KNL1: variants seen among roughly 807,000 people sequenced by gnomAD.
The protein encoded by KNL1 is kinetochore scaffold 1, also known as outer kinetochore KNL1 complex subunit KNL1.
Under a neutral mutation model 201.3 loss-of-function variants are expected in KNL1, and 66 were observed. The ratio of observed to expected loss-of-function variants is 0.33; its 90% CI spans 0.27 to 0.40. The LOEUF (loss-of-function observed/expected upper bound fraction) is 0.40, where lower values mean the gene tolerates loss of function less well. KNL1 is among the 10% of genes least tolerant of loss of function. The probability of loss-of-function intolerance (pLI) is 1.00; values close to 1 mark genes in which losing one functional copy is unlikely to be tolerated. For missense variants in KNL1, 2,815 were observed against 2,690.5 expected (o/e 1.05, Z -1.02); for synonymous variants, 895 against 899.2 (o/e 1.00, Z 0.08).
At chr15:40,601,313 G>T (rs1396200568) in intron 1 of KNL1, among the ~76,000 whole-genome samples, 1 of 152,170 alleles carries the variant, frequency 6.6e-6, no homozygotes, top group East Asian at 1.9e-4. Flanking sequence ...TGGAAAAATA[G>T]TCTTCCCTAA....
At chr15:40,614,929 A>T (rs1892292110) in intron 7 of KNL1, among the ~76,000 whole-genome samples, 1 of 152,010 alleles carries the variant, frequency 6.6e-6, no homozygotes, top group South Asian at 2.1e-4. Context: ...ATGGGGTCTC[A>T]CTCTGTCACC....
intron 7 of KNL1, among the ~76,000 whole-genome samples, chr15:40,611,972 G>T (rs937558574): frequency 6.6e-6 from 1 of 152,066 alleles, no homozygotes; most frequent in Non-Finnish European, 1.5e-5. Context: ...CTGAGGTCAG[G>T]AGTTCGAGAC....
rs527614170 is a variant in KNL1 at position 40,660,580 on chromosome 15, G to A, written c.6836+1119G>A. On this transcript the variant is annotated intron_variant, in intron 25 of 25. Transcript: ENST00000399668. ...ACTGGGGAGGCTGAGGCAGAGAATT[G>A]CTTGAACCCAGGAGGTGGAGGTTGC... Among the ~76,000 whole-genome samples the A allele has an allele frequency of 2.0e-5, 3 of 147,444 alleles. No individual in the cohort carries two copies. In the East Asian group the frequency reaches 6.0e-4, roughly 29 times the overall value.
chr15:40,628,718 A>G (rs764543559), intron 12 of KNL1, 40 bp downstream of exon 12: 24 of 1,345,696 alleles, frequency 1.8e-5, no homozygotes, highest in Non-Finnish European at 2.3e-5. Flanking sequence ...TTTATAAAGA[A>G]AAGAGGTTTA....
chr15:40,650,522 T>A (rs779865509), intron 18 of KNL1, 22 bp from the exon 19 acceptor site: 1 of 1,551,584 alleles, frequency 6.4e-7, no homozygotes. Flanking sequence ...GTTCTGTTTT[T>A]TTTTTTTTTC....
intron 2 of KNL1, among the ~76,000 whole-genome samples, chr15:40,603,793 C>T (rs1595913933): frequency 1.3e-5 from 2 of 152,276 alleles, no homozygotes; most frequent in Non-Finnish European, 2.9e-5. Flanking sequence ...AGGCAGTATG[C>T]CCAGAGTAGC....
At chr15:40,616,906 A>G (rs1892361031) in intron 8 of KNL1, among the ~76,000 whole-genome samples, 1 of 152,208 alleles carries the variant, frequency 6.6e-6, no homozygotes, top group Non-Finnish European at 1.5e-5. Context: ...GCAGTTCACT[A>G]TATAAACTCT....
chr15:40,661,826 AG>A (rs1239986351), intron 25 of KNL1, among the ~76,000 whole-genome samples: 1 of 151,988 alleles, frequency 6.6e-6, no homozygotes, highest in East Asian at 1.9e-4. Context: ...GTGGATCACA[AG>A]GCCAGGAGAT....
rs1321437198 is a variant in KNL1 at position 40,620,900 on chromosome 15, A to G, written c.636A>G (p.Lys212=). ...SVDQNTSSEN[K]IDFNDFIKRL... ...ATCAAAACACTTCTTCAGAAAATAA[A>G]ATAGATTTCAATGACTTCATAAAAA... Residue 212 remains lysine, a synonymous_variant, in exon 10 of 26, where the codon AAA becomes AAG. Coordinates refer to ENST00000399668, the MANE Select transcript of KNL1 (RefSeq NM_144508.5). The G allele has an allele frequency of 6.3e-7, 1 of 1,598,844 alleles. No homozygotes were observed. The highest frequency in any genetic ancestry group is 8.5e-7 in the Non-Finnish European group (1 of 1,175,564).
intron 22 of KNL1, among the ~76,000 whole-genome samples, chr15:40,655,323 G>A (rs1346101088): frequency 1.3e-5 from 2 of 150,794 alleles, no homozygotes; most frequent in African/African-American, 4.9e-5. Flanking sequence ...GCTGGGCACG[G>A]TGGCTCATGC....
At position 40,622,575 on chromosome 15, in the gene KNL1, G is replaced by A. The variant is rs151288115; in HGVS notation, c.2311G>A (p.Val771Ile). 347 of 1,612,202 alleles carry A rather than the reference G, an allele frequency of 2.2e-4. 1 individual carries two copies. In the African/African-American group the frequency reaches 3.9e-3, roughly 18 times the overall value. ...GGATCTAACAAAGAGCCACACTGTCGTCATTGGATTTGGTCCTTCTGAACT... is the reference window on the plus strand; with the variant it reads ...GGATCTAACAAAGAGCCACACTGTCATCATTGGATTTGGTCCTTCTGAACT... The part of the protein sequence containing the change: ...NMDLTKSHTV[V>I]IGFGPSELQE... Residue 771 changes from valine (V) to isoleucine (I), a missense_variant, in exon 10 of 26, where the codon GTC (valine) becomes ATC (isoleucine). By Grantham distance (29) the Val-to-Ile change is conservative. Transcript: ENST00000399668.
At chr15:40,643,138 C>T (rs1473563696) in intron 14 of KNL1, 2 of 152,136 alleles carry the variant, frequency 1.3e-5, no homozygotes, top group Non-Finnish European at 2.9e-5. Context: ...AGATGCTATT[C>T]TAAAAATGTG....
At chr15:40,612,405 T>A (rs1892197939) in intron 7 of KNL1, among the ~76,000 whole-genome samples, 1 of 151,684 alleles carries the variant, frequency 6.6e-6, no homozygotes, top group South Asian at 2.1e-4. Context: ...GGCACGAGAA[T>A]CGCTTGAACC....
At position 40,659,473 on chromosome 15, in the gene KNL1, G is replaced by C. The variant is rs772147064; in HGVS notation, c.6836+12G>C. 4 of 1,609,382 alleles carry C rather than the reference G, an allele frequency of 2.5e-6. No homozygotes were observed. Among genetic ancestry groups the C allele is most frequent in the Non-Finnish European group, 2.5e-6 (3 of 1,177,680 alleles). ...GTTGGGAACACTAGGTGAGTAAAGG[G>C]CCAACAGGGTAAGACTCTGGGCTAC... On this transcript the variant is annotated intron_variant, in intron 25 of 25. Coordinates refer to ENST00000399668, the MANE Select transcript of KNL1 (RefSeq NM_144508.5).
At chr15:40,610,695 C>T (rs1892125872) in intron 6 of KNL1, 2 of 454,442 alleles carry the variant, frequency 4.4e-6, no homozygotes, top group African/African-American at 2.0e-5. Flanking sequence ...GTCTCAAAAA[C>T]AAAAAAAGTA....
chr15:40,639,585 CA>C (rs139167651), intron 13 of KNL1, among the ~76,000 whole-genome samples: 52,262 of 127,998 alleles, frequency 0.41, 10,005 homozygotes, highest in Non-Finnish European at 0.47. Context: ...AACTTCATCT[CA>C]AAAAAAAAAA....
chr15:40,628,226 G>T lies in KNL1; in HGVS notation c.5515+18G>T. The T allele has an allele frequency of 1.3e-6, 2 of 1,568,720 alleles. No individual in the cohort carries two copies. The highest frequency in any genetic ancestry group is 1.7e-6 in the Non-Finnish European group (2 of 1,164,306). On this transcript the variant is annotated intron_variant, in intron 11 of 25. Transcript: ENST00000399668. ...CTTCAGCAGTAAGAGCTTCATGAAG[G>T]CTAAATAATAGCAGCCATCTGCTTA...
intron 13 of KNL1, among the ~76,000 whole-genome samples, chr15:40,630,716 C>T (rs1475943451): frequency 6.6e-6 from 1 of 152,170 alleles, no homozygotes; most frequent in Non-Finnish European, 1.5e-5. Flanking sequence ...CTCCCCACCC[C>T]GAGATGGGAC....
In KNL1 at chr15:40,623,945, C is replaced by G; in HGVS notation, c.3681C>G (p.Thr1227=). 1.2e-6 allele frequency: 2 copies of G among 1,613,352 alleles called. No individual in the cohort carries two copies. Among genetic ancestry groups the G allele is most frequent in the Non-Finnish European group, 8.5e-7 (1 of 1,179,896 alleles). Reference sequence around the variant, plus strand: ...TAGGAAACAAAATAGTTCTTCACACCGAGCAAAAGCAACAACTCTTTGCTG... The same window carrying G: ...TAGGAAACAAAATAGTTCTTCACACGGAGCAAAAGCAACAACTCTTTGCTG... ...LAVGNKIVLH[T]EQKQQLFAAT... The change falls in exon 10 of 26, where the codon ACC becomes ACG. Residue 1227 remains threonine, a synonymous_variant. Transcript: ENST00000399668.
Sources: gnomAD v4.1 joint callset for allele counts (sites outside exome capture counted in the v4.1 genomes callset) on GRCh38, gnomAD v4.1.1 for gene constraint, MANE v1.5 for transcripts, NCBI Gene and HGNC (gene_info 2026-07-23, HGNC 2026-07-21) for gene names.